Variants in ANKRD42 observed in about 807,000 individuals in gnomAD.
The protein encoded by ANKRD42 is ankyrin repeat domain 42.
In ANKRD42, 43 loss-of-function variants were observed where a neutral mutation model predicts 51.5. The observed-to-expected ratio is 0.83, with a 90% confidence interval of 0.65 to 1.08. The LOEUF is 1.08. Among genes scored for constraint, ANKRD42 ranks in the 50% least tolerant of loss-of-function variants. ANKRD42 has a pLI of 0.00. For missense variants in ANKRD42, 608 were observed against 629.3 expected (o/e 0.97, Z 0.36); for synonymous variants, 203 against 213.0 (o/e 0.95, Z 0.41).
Position 83,245,510 on chromosome 11 carries a change from A to G in ANKRD42, c.1208A>G (p.Lys403Arg), listed in dbSNP as rs1863517925. 1 of 1,536,328 alleles carries G rather than the reference A, an allele frequency of 6.5e-7. No homozygotes were observed. The highest frequency in any genetic ancestry group is 1.2e-5 in the South Asian group (1 of 84,056). Residue 403 changes from lysine to arginine, a missense_variant, in exon 10 of 11, where the codon AAG (lysine) becomes AGG (arginine). By Grantham distance (26) the Lys-to-Arg change is conservative. Transcript: ENST00000533342. Reference sequence around the variant, plus strand: ...CTCTGTCTTGCAGTGAGAGCTTACAAGAAAATTGTAGAATTGAGACACCTC... The same window carrying G: ...CTCTGTCTTGCAGTGAGAGCTTACAGGAAAATTGTAGAATTGAGACACCTC... ...DKTDARMRAY[K>R]KIVELRHLLE...
intron 11 of ANKRD42, among the ~76,000 whole-genome samples, chr11:83,254,330 A>G (rs546732571): frequency 1.4e-4 from 21 of 152,192 alleles, no homozygotes; most frequent in African/African-American, 4.1e-4. Flanking sequence ...ACATCTGACA[A>G]GTAGCCACCT....
downstream of ANKRD42, among the ~76,000 whole-genome samples, chr11:83,249,242 G>A (rs1306430686): frequency 1.3e-5 from 2 of 152,130 alleles, no homozygotes; most frequent in Non-Finnish European, 2.9e-5. Context: ...TGTTGCTCTT[G>A]TCACCCATAC....
intron 7 of ANKRD42, among the ~76,000 whole-genome samples, chr11:83,232,271 T>G (rs187549698): frequency 1.8e-3 from 271 of 152,236 alleles, no homozygotes; most frequent in African/African-American, 6.4e-3. Flanking sequence ...TTCAGTTTCT[T>G]TCATCAGTGT....
chr11:83,236,483 G>A lies in ANKRD42; in HGVS notation c.993G>A (p.Gly331=). The A allele has an allele frequency of 6.2e-7, 1 of 1,611,330 alleles. No homozygotes were observed. ...ACAGTAATATTACCAACAAAGCAGG[G>A]GAGAGACCCAGTGATGTGGCAAAGA... ...GADSNITNKA[G]ERPSDVAKRF... The change falls in exon 8 of 11, where the codon GGG becomes GGA. Residue 331 remains glycine (G), a synonymous_variant. Coordinates refer to ENST00000533342, the MANE Select transcript of ANKRD42 (RefSeq NM_001300975.2).
intron 2 of ANKRD42, among the ~76,000 whole-genome samples, chr11:83,201,591 A>G (rs2135482791): frequency 6.6e-6 from 1 of 152,298 alleles, no homozygotes; most frequent in East Asian, 1.9e-4. Flanking sequence ...GTCTTCCACA[A>G]TGGTTAAACT....
At chr11:83,209,329 G>T in intron 3 of ANKRD42, 1 of 938,448 alleles carries the variant, frequency 1.1e-6, no homozygotes, top group South Asian at 1.4e-5. Flanking sequence ...AAAGTGGGTG[G>T]GAGTGCGTGC....
Position 83,248,657 on chromosome 11 carries a change from G to A in ANKRD42, c.*453G>A, listed in dbSNP as rs1863613769. 6.1e-6 allele frequency: 6 copies of A among 984,782 alleles called. No homozygotes were observed. Among genetic ancestry groups the A allele is most frequent in the Non-Finnish European group, 7.2e-6 (6 of 829,480 alleles). The allele number at this position is 984,782 out of a possible 1,614,324, so 61.0% of individuals were successfully genotyped here. ...TCTATTAATATTATAGAATCTTCCT[G>A]GCTTCTTTTTATTTTGCACAAACTA... On this transcript the variant is annotated 3_prime_UTR_variant, in exon 11 of 11. Transcript: ENST00000533342.
chr11:83,228,220 C>CCTCTCT (rs1201296890), intron 7 of ANKRD42, among the ~76,000 whole-genome samples: 2 of 76,176 alleles, frequency 2.6e-5, no homozygotes, highest in South Asian at 4.7e-4. Flanking sequence ...AGAAATCATC[C>CCTCTCT]CTCTCTCTCT....
chr11:83,255,930 A>G, exon 12 of ANKRD42: 8 of 1,522,056 alleles, frequency 5.3e-6, no homozygotes, highest in Non-Finnish European at 7.0e-6. Flanking sequence ...GTGAGAAGGT[A>G]CTAATCAGTG....
chr11:83,210,881 G>T (rs577464443), intron 4 of ANKRD42, among the ~76,000 whole-genome samples: 1 of 152,308 alleles, frequency 6.6e-6, no homozygotes, highest in African/African-American at 2.4e-5. Context: ...TAGAAGAAGA[G>T]AACTAAATAT....
At chr11:83,259,750 G>T (rs492710), downstream of ANKRD42, 37,910 of 152,054 alleles carry the variant, frequency 0.25, 5,731 homozygotes, top group Non-Finnish European at 0.34. Flanking sequence ...TAGCCTTGAT[G>T]AACTCCTTGG....
At chr11:83,200,701 T>A (rs1458469067) in intron 2 of ANKRD42, among the ~76,000 whole-genome samples, 1 of 152,196 alleles carries the variant, frequency 6.6e-6, no homozygotes, top group African/African-American at 2.4e-5. Flanking sequence ...TTAATTTTAT[T>A]TTTTTGTGTG....
intron 5 of ANKRD42, among the ~76,000 whole-genome samples, chr11:83,216,498 G>C (rs1862538982): frequency 6.6e-6 from 1 of 151,812 alleles, no homozygotes; most frequent in Non-Finnish European, 1.5e-5. Context: ...CTAATTTTTT[G>C]TATTTTTAGT....
chr11:83,195,488 C>T (rs925484119), intron 1 of ANKRD42, among the ~76,000 whole-genome samples: 5 of 152,130 alleles, frequency 3.3e-5, no homozygotes, highest in African/African-American at 7.2e-5. Context: ...TATCTCTCCT[C>T]GGAGCTGCAA....
intron 4 of ANKRD42, among the ~76,000 whole-genome samples, chr11:83,211,068 G>A (rs1247333983): frequency 6.6e-6 from 1 of 152,078 alleles, no homozygotes; most frequent in African/African-American, 2.4e-5. Context: ...AGTTAAGTTC[G>A]TTTTTAAAAA....
chr11:83,236,108 T>C (rs1863214157), intron 7 of ANKRD42, among the ~76,000 whole-genome samples: 1 of 152,220 alleles, frequency 6.6e-6, no homozygotes, highest in Admixed American at 6.5e-5. Flanking sequence ...AACTACTTTT[T>C]ACTAGCTGTG....
chr11:83,253,263 C>G (rs775212738), downstream of ANKRD42, among the ~76,000 whole-genome samples: 2 of 152,176 alleles, frequency 1.3e-5, no homozygotes, highest in Non-Finnish European at 2.9e-5. Context: ...TGTGATTTCC[C>G]TTTCTTTCTC....
intron 2 of ANKRD42, among the ~76,000 whole-genome samples, chr11:83,205,639 A>C (rs1862042348): frequency 6.6e-6 from 1 of 152,232 alleles, no homozygotes; most frequent in Admixed American, 6.5e-5. Flanking sequence ...GCTCTGATGC[A>C]AAAGCTCTGG....
At chr11:83,237,071 T>C (rs1227694827) in intron 8 of ANKRD42, among the ~76,000 whole-genome samples, 7 of 152,232 alleles carry the variant, frequency 4.6e-5, no homozygotes, top group Admixed American at 4.6e-4. Context: ...CGTTTGGTTG[T>C]TCTTTCATTC....
Sources: gnomAD v4.1 joint callset for allele counts (sites outside exome capture counted in the v4.1 genomes callset) on GRCh38, gnomAD v4.1.1 for gene constraint, MANE v1.5 for transcripts, NCBI Gene and HGNC (gene_info 2026-07-23, HGNC 2026-07-21) for gene names.